GRM8: variants seen among roughly 807,000 people sequenced by gnomAD.
GRM8 encodes the protein glutamate metabotropic receptor 8.
Under a neutral mutation model 87.2 loss-of-function variants are expected in GRM8, and 47 were observed. That is an observed-to-expected ratio of 0.54 (90% CI 0.43 to 0.69). GRM8 has a LOEUF of 0.69. GRM8 is among the 30% of genes least tolerant of loss of function. GRM8 has a pLI of 0.00. For synonymous variants in GRM8, 396 were observed against 404.5 expected (o/e 0.98, Z 0.25); for missense variants, 1,019 against 1,139.2 (o/e 0.89, Z 1.52).
chr7:126,517,932 C>A (rs760054121), intron 9 of GRM8, among the ~76,000 whole-genome samples: 2 of 152,024 alleles, frequency 1.3e-5, no homozygotes, highest in Non-Finnish European at 1.5e-5. Flanking sequence ...AAGAAAATTA[C>A]AGCTTTTCTT....
At chr7:126,839,163 C>T (rs942903711) in intron 6 of GRM8, among the ~76,000 whole-genome samples, 3 of 152,118 alleles carry the variant, frequency 2.0e-5, no homozygotes, top group Non-Finnish European at 4.4e-5. Context: ...ATGTAACACC[C>T]GCATCAACTG....
intron 3 of GRM8, among the ~76,000 whole-genome samples, chr7:127,074,921 T>A (rs909034923): frequency 6.6e-6 from 1 of 152,192 alleles, no homozygotes; most frequent in Non-Finnish European, 1.5e-5. Context: ...GCTCCTCAGG[T>A]GTTCATGAGT....
intron 8 of GRM8, among the ~76,000 whole-genome samples, chr7:126,589,526 A>T (rs896784206): frequency 6.6e-6 from 1 of 152,068 alleles, no homozygotes; most frequent in African/African-American, 2.4e-5. Flanking sequence ...ACTTGATGGT[A>T]TTTCTCTACC....
At chr7:126,540,406 G>A (rs889127747) in intron 8 of GRM8, among the ~76,000 whole-genome samples, 1 of 152,070 alleles carries the variant, frequency 6.6e-6, no homozygotes, top group Non-Finnish European at 1.5e-5. Context: ...TAAACATAGG[G>A]TTTTGATATG....
chr7:126,505,749 T>C (rs1810360107), intron 9 of GRM8, among the ~76,000 whole-genome samples: 2 of 152,122 alleles, frequency 1.3e-5, no homozygotes, highest in African/African-American at 4.8e-5. Flanking sequence ...AAACTTGACA[T>C]CTTGATATAG....
chr7:126,527,297 G>T (rs1814007376), intron 9 of GRM8, among the ~76,000 whole-genome samples: 1 of 152,202 alleles, frequency 6.6e-6, no homozygotes. Flanking sequence ...GGCAGATGTT[G>T]CAGTGAGCCA....
intron 6 of GRM8, among the ~76,000 whole-genome samples, chr7:126,830,554 C>G (rs1795264019): frequency 6.6e-6 from 1 of 152,222 alleles, no homozygotes; most frequent in South Asian, 2.1e-4. Context: ...TCAGCTCCAT[C>G]AGCTCCTTTA....
intron 7 of GRM8, among the ~76,000 whole-genome samples, chr7:126,662,625 G>A (rs1805317858): frequency 6.6e-6 from 1 of 152,130 alleles, no homozygotes; most frequent in South Asian, 2.1e-4. Context: ...AATCATAGAA[G>A]GACAAATAGT....
intron 2 of GRM8, among the ~76,000 whole-genome samples, chr7:127,177,790 G>T (rs564970182): frequency 1.3e-5 from 2 of 152,280 alleles, no homozygotes; most frequent in East Asian, 3.9e-4. Context: ...CACATCCACA[G>T]GAAAATAGGG....
intron 3 of GRM8, among the ~76,000 whole-genome samples, chr7:126,948,649 C>T (rs556078153): frequency 9.9e-5 from 15 of 152,074 alleles, no homozygotes; most frequent in Admixed American, 2.6e-4. Flanking sequence ...TAGCAGTGGG[C>T]GGCTAGTCCG....
At chr7:126,994,820 T>C (rs923723304) in intron 3 of GRM8, among the ~76,000 whole-genome samples, 6 of 152,272 alleles carry the variant, frequency 3.9e-5, no homozygotes, top group African/African-American at 1.4e-4. Context: ...CTGGGGAAAC[T>C]GACTGCCCTG....
chr7:126,975,307 G>C (rs1362286009), intron 3 of GRM8, among the ~76,000 whole-genome samples: 1 of 152,030 alleles, frequency 6.6e-6, no homozygotes, highest in Admixed American at 6.6e-5. Context: ...ACCAAGATAG[G>C]TTTTTCTTCT....
At chr7:126,710,786 A>C (rs1811018606) in intron 7 of GRM8, among the ~76,000 whole-genome samples, 1 of 152,178 alleles carries the variant, frequency 6.6e-6, no homozygotes, top group African/African-American at 2.4e-5. Context: ...TCTTAATGGC[A>C]TCTAGAATGG....
At chr7:126,466,457 T>A (rs1015435) in intron 9 of GRM8, among the ~76,000 whole-genome samples, 85,955 of 151,686 alleles carry the variant, frequency 0.57, 24,599 homozygotes, top group Middle Eastern at 0.74. Flanking sequence ...TCCATATTAG[T>A]CAGGGTTCTC....
intron 9 of GRM8, among the ~76,000 whole-genome samples, chr7:126,518,501 T>C (rs1812503640): frequency 6.6e-6 from 1 of 152,086 alleles, no homozygotes; most frequent in African/African-American, 2.4e-5. Flanking sequence ...TTTCTCTTTC[T>C]GCCTAAGATA....
At chr7:126,569,157 C>T (rs1046558140) in intron 8 of GRM8, among the ~76,000 whole-genome samples, 3 of 152,144 alleles carry the variant, frequency 2.0e-5, no homozygotes, top group Admixed American at 1.3e-4. Flanking sequence ...AGATCCACAA[C>T]TATCTAACAA....
intron 2 of GRM8, among the ~76,000 whole-genome samples, chr7:127,186,959 G>A (rs1794770063): frequency 1.3e-5 from 2 of 152,260 alleles, no homozygotes; most frequent in Admixed American, 1.3e-4. Context: ...GAGAAATAAA[G>A]GAATCCCTAA....
At chr7:126,627,988 T>C (rs1800864218) in intron 7 of GRM8, among the ~76,000 whole-genome samples, 1 of 152,206 alleles carries the variant, frequency 6.6e-6, no homozygotes, top group African/African-American at 2.4e-5. Flanking sequence ...TCTTCTTGTT[T>C]GGGTATCAGG....
chr7:127,063,306 T>C (rs745669781), intron 3 of GRM8, among the ~76,000 whole-genome samples: 5 of 152,108 alleles, frequency 3.3e-5, no homozygotes, highest in Non-Finnish European at 4.4e-5. Flanking sequence ...CCAGGTGCCA[T>C]GGCTCATGCC....
Sources: allele counts gnomAD v4.1 joint callset (sites outside exome capture counted in the v4.1 genomes callset), GRCh38; gene constraint gnomAD v4.1.1; transcripts MANE v1.5; gene names NCBI Gene and HGNC (gene_info 2026-07-23, HGNC 2026-07-21).